Variants in ZNF354A observed in about 807,000 individuals in gnomAD.
The protein encoded by ZNF354A is zinc finger protein 354A.
In ZNF354A, 25 loss-of-function variants were observed where a neutral mutation model predicts 53.3. The observed-to-expected ratio is 0.47, with a 90% CI of 0.34 to 0.66. The LOEUF is 0.66. ZNF354A is among the 30% of genes least tolerant of loss of function. The probability of loss-of-function intolerance (pLI) is 0.01; values close to 1 mark genes in which losing one functional copy is unlikely to be tolerated. For synonymous variants in ZNF354A, 228 were observed against 249.0 expected (o/e 0.92, Z 0.79); for missense variants, 586 against 716.8 (o/e 0.82, Z 2.08).
Position 178,712,194 on chromosome 5 carries a change from T to C in ZNF354A, c.1684A>G (p.Ser562Gly), listed in dbSNP as rs746066824. ...CTCTGATGTGCAATACGTGATGAGCTTTGTCTAAAAGTTTTTCCACATGTA... is the reference window on the plus strand; with the variant it reads ...CTCTGATGTGCAATACGTGATGAGCCTTGTCTAAAAGTTTTTCCACATGTA... ...CNTCGKTFRQ[S>G]SSRIAHQRIH... Residue 562 changes from serine to glycine, a missense_variant, in exon 5 of 5, where the codon AGC (serine) becomes GGC (glycine). By Grantham distance (56) the Ser-to-Gly change is moderately conservative. Around this residue, in one of 2 missense-constraint regions of ZNF354A, gnomAD observed 573 missense variants for 680.1 expected, o/e 0.84. Transcript: ENST00000335815. The C allele has an allele frequency of 6.2e-7, 1 of 1,614,154 alleles. No homozygotes were observed.
Position 178,712,648 on chromosome 5 carries a change from A to G in ZNF354A, c.1230T>C (p.Tyr410=). Residue 410 remains tyrosine, a synonymous_variant, in exon 5 of 5, where the codon TAT becomes TAC. Coordinates refer to ENST00000335815, the MANE Select transcript of ZNF354A (RefSeq NM_005649.3). ...AGCCTTTCCCACATTCATTGCATCT[A>G]TAGGGCTTTTCTCCGGTGTGAATTC... The part of the protein sequence containing the change: ...HERIHTGEKP[Y]RCNECGKGFT... 1 of 1,614,058 alleles carries G rather than the reference A, an allele frequency of 6.2e-7. No homozygotes were observed. The highest frequency in any genetic ancestry group is 8.5e-7 in the Non-Finnish European group (1 of 1,179,976).
intron 4 of ZNF354A, among the ~76,000 whole-genome samples, chr5:178,716,972 G>A (rs1045842145): frequency 1.3e-5 from 2 of 151,534 alleles, no homozygotes; most frequent in Non-Finnish European, 2.9e-5. Flanking sequence ...CCAGGTACTC[G>A]GGAGGCTGAG....
At chr5:178,720,476 C>T (rs1349312656) in intron 4 of ZNF354A, among the ~76,000 whole-genome samples, 1 of 152,154 alleles carries the variant, frequency 6.6e-6, no homozygotes, top group Non-Finnish European at 1.5e-5. Context: ...AGACACCGGG[C>T]GAACACAGTG....
At chr5:178,728,636 A>C (rs1429887022) in intron 2 of ZNF354A, among the ~76,000 whole-genome samples, 1 of 147,528 alleles carries the variant, frequency 6.8e-6, no homozygotes, top group Non-Finnish European at 1.5e-5. Flanking sequence ...ATAAAAGCAC[A>C]AAAAAAAAAA....
At chr5:178,727,467 A>T (rs546180818) in intron 2 of ZNF354A, among the ~76,000 whole-genome samples, 1 of 152,342 alleles carries the variant, frequency 6.6e-6, no homozygotes, top group South Asian at 2.1e-4. Flanking sequence ...TTTGTACGAT[A>T]ATGAACAGTG....
In ZNF354A at chr5:178,726,953, A is replaced by G. The variant is rs754538667; in HGVS notation, c.160+46T>C. The stretch of plus-strand genomic sequence containing the variant: ...TTTATTCAGGGAAGGAGGTGCTGAG[A>G]TATCCCAATTTTTGAATTCTGTTTC... On this transcript the variant is annotated intron_variant, in intron 3 of 4. Transcript: ENST00000335815. 5 of 1,576,336 alleles carry G rather than the reference A, an allele frequency of 3.2e-6. No individual in the cohort carries two copies. In the East Asian group the frequency reaches 9.0e-5, roughly 28 times the overall value.
intron 2 of ZNF354A, among the ~76,000 whole-genome samples, chr5:178,727,792 A>G (rs563814178): frequency 9.6e-4 from 147 of 152,332 alleles, no homozygotes; most frequent in African/African-American, 3.3e-3. Context: ...CACAGACAAG[A>G]TAAGAAATTT....
chr5:178,726,971 T>C, intron 3 of ZNF354A, 28 bp downstream of exon 3: 1 of 1,584,950 alleles, frequency 6.3e-7, no homozygotes. Flanking sequence ...ATTTTTGAAT[T>C]CTGTTTCTAG....
chr5:178,727,756 C>T (rs1765939332), intron 2 of ZNF354A, among the ~76,000 whole-genome samples: 3 of 152,318 alleles, frequency 2.0e-5, no homozygotes, highest in East Asian at 3.9e-4. Context: ...ATTATTGTTG[C>T]CACTTTACAC....
At position 178,713,391 on chromosome 5, in the gene ZNF354A, C is replaced by T. The variant is rs1765657891; in HGVS notation, c.487G>A (p.Glu163Lys). 1 of 1,613,838 alleles carries T rather than the reference C, an allele frequency of 6.2e-7. No homozygotes were observed. Among genetic ancestry groups the T allele is most frequent in the African/African-American group, 1.3e-5 (1 of 74,890 alleles). ...PTIERSHKNTELSQNFSPKSV... is the reference protein window; with the variant it reads ...PTIERSHKNTKLSQNFSPKSV... ...TTTGGGCTGAAGTTTTGGCTCAATT[C>T]AGTATTTTTATGGCTTCTTTCTATA... The change falls in exon 5 of 5, where the codon GAA becomes AAA. Residue 163 changes from glutamate (E) to lysine (K), a missense_variant. This residue lies in a region of ZNF354A where 573 missense variants were observed against 680.1 expected (regional missense o/e 0.84). Coordinates refer to ENST00000335815, the MANE Select transcript of ZNF354A (RefSeq NM_005649.3).
chr5:178,722,895 G>A (rs531227747), intron 4 of ZNF354A, among the ~76,000 whole-genome samples: 19 of 152,174 alleles, frequency 1.2e-4, no homozygotes, highest in African/African-American at 3.9e-4. Context: ...TGTGTGAGCC[G>A]AAGCCTGTGC....
chr5:178,730,224 TG>T (rs914452640), intron 1 of ZNF354A, among the ~76,000 whole-genome samples: 2 of 151,994 alleles, frequency 1.3e-5, no homozygotes, highest in Non-Finnish European at 2.9e-5. Flanking sequence ...GTGGCCGTCC[TG>T]GGGACGGACT....
chr5:178,715,144 C>T (rs973753056), intron 4 of ZNF354A, among the ~76,000 whole-genome samples: 1 of 152,114 alleles, frequency 6.6e-6, no homozygotes, highest in Non-Finnish European at 1.5e-5. Context: ...AGTAAATTCT[C>T]TCAGGGGAAC....
intron 4 of ZNF354A, among the ~76,000 whole-genome samples, chr5:178,724,542 A>G (rs1441674551): frequency 6.6e-6 from 1 of 152,108 alleles, no homozygotes; most frequent in African/African-American, 2.4e-5. Flanking sequence ...TCACTTTCAA[A>G]CACGATGCTT....
intron 4 of ZNF354A, among the ~76,000 whole-genome samples, chr5:178,724,754 C>A (rs186681595): frequency 2.6e-5 from 4 of 152,220 alleles, no homozygotes; most frequent in Admixed American, 6.5e-5. Flanking sequence ...TACACATACA[C>A]ATAATTTTCA....
At position 178,712,880 on chromosome 5, in the gene ZNF354A, T is replaced by C. The variant is rs2113866455; in HGVS notation, c.998A>G (p.Lys333Arg). 1 of 1,614,172 alleles carries C rather than the reference T, an allele frequency of 6.2e-7. No homozygotes were observed. The change falls in exon 5 of 5, where the codon AAG becomes AGG. Residue 333 changes from lysine (K) to arginine (R), a missense_variant. Around this residue, in one of 2 missense-constraint regions of ZNF354A, gnomAD observed 573 missense variants for 680.1 expected, o/e 0.84. Transcript: ENST00000335815. The stretch of plus-strand genomic sequence containing the variant: ...AAGGGATGTGCTGCAACTAGATGCC[T>C]TCCTACCCGGATTATACTTACAAGG... ...ENPCKYNPGR[K>R]ASSCSTSLSG... is the part of the protein sequence containing the mutation.
intron 2 of ZNF354A, among the ~76,000 whole-genome samples, 183 bp downstream of exon 2, chr5:178,728,807 C>CAAAAAAAAAA (rs1554094811): frequency 1.2e-5 from 1 of 83,884 alleles, no homozygotes; most frequent in African/African-American, 5.4e-5. Flanking sequence ...AAAAGAGAAC[C>CAAAAAAAAAA]ACTAGACACG....
chr5:178,718,984 A>C (rs1765762075), intron 4 of ZNF354A, among the ~76,000 whole-genome samples: 1 of 152,186 alleles, frequency 6.6e-6, no homozygotes, highest in African/African-American at 2.4e-5. Context: ...AATGTCTCTA[A>C]TAAGCCATCG....
chr5:178,724,728 C>A (rs1002427658), intron 4 of ZNF354A, among the ~76,000 whole-genome samples: 14 of 152,224 alleles, frequency 9.2e-5, no homozygotes, highest in African/African-American at 2.4e-4. Flanking sequence ...ACCTTTCTCT[C>A]TGCTTATGTG....
Sources: allele counts gnomAD v4.1 joint callset (sites outside exome capture counted in the v4.1 genomes callset), GRCh38; gene constraint gnomAD v4.1.1; regional missense constraint gnomAD v4.1.1; transcripts MANE v1.5; gene names NCBI Gene and HGNC (gene_info 2026-07-23, HGNC 2026-07-21).